PCDHA4: variants seen among roughly 807,000 people sequenced by gnomAD.
PCDHA4 encodes the protein protocadherin alpha 4.
In PCDHA4, 49 loss-of-function variants were observed where a neutral mutation model predicts 61.4. The ratio of observed to expected loss-of-function variants is 0.80; its 90% confidence interval spans 0.63 to 1.01. PCDHA4 has a LOEUF of 1.01. Among genes scored for constraint, PCDHA4 ranks in the 50% least tolerant of loss-of-function variants. PCDHA4 has a pLI of 0.00. For synonymous variants in PCDHA4, 590 were observed against 550.3 expected (o/e 1.07, Z -1.01); for missense variants, 1,254 against 1,235.8 (o/e 1.01, Z -0.22).
At chr5:140,852,883 G>A (rs1190514830) in intron 1 of PCDHA4, 22 of 933,050 alleles carry the variant, frequency 2.4e-5, no homozygotes, top group African/African-American at 1.6e-4. Flanking sequence ...ATCATAAAAC[G>A]TATTTTTTTT....
At chr5:140,842,917 G>A in intron 1 of PCDHA4, 1 of 1,594,694 alleles carries the variant, frequency 6.3e-7, no homozygotes, top group Non-Finnish European at 8.6e-7. Flanking sequence ...AGCTGCTGCA[G>A]TTCCAGGTGA....
chr5:140,932,421 G>T (rs530079640), intron 1 of PCDHA4, among the ~76,000 whole-genome samples: 1 of 151,878 alleles, frequency 6.6e-6, no homozygotes, highest in Non-Finnish European at 1.5e-5. Context: ...TTAGTGTATT[G>T]TTCACCTGGA....
intron 1 of PCDHA4, among the ~76,000 whole-genome samples, chr5:140,818,390 A>G (rs1766348268): frequency 6.6e-6 from 1 of 152,186 alleles, no homozygotes; most frequent in South Asian, 2.1e-4. Context: ...GCATTTTTCC[A>G]TTTTAGAATT....
chr5:140,838,723 T>C (rs1554137164), intron 1 of PCDHA4, among the ~76,000 whole-genome samples: 3 of 151,910 alleles, frequency 2.0e-5, no homozygotes, highest in South Asian at 4.1e-4. Flanking sequence ...ATTGCTTCAG[T>C]CTAGTAGTTT....
chr5:140,884,371 C>T, intron 1 of PCDHA4: 2 of 1,613,948 alleles, frequency 1.2e-6, no homozygotes, highest in Non-Finnish European at 1.7e-6. Flanking sequence ...TTTACTTGAT[C>T]ATTGCCATCT....
chr5:140,829,713 G>T, intron 1 of PCDHA4: 1 of 1,613,488 alleles, frequency 6.2e-7, no homozygotes, highest in Non-Finnish European at 8.5e-7. Context: ...CGCGACGCGG[G>T]CGTGCCGCCT....
chr5:141,008,985 A>C (rs566679512), intron 3 of PCDHA4, among the ~76,000 whole-genome samples: 1 of 152,240 alleles, frequency 6.6e-6, no homozygotes, highest in Non-Finnish European at 1.5e-5. Context: ...AGTTTAATCT[A>C]GACACTAAAA....
chr5:140,882,391 C>T, intron 1 of PCDHA4: 2 of 1,614,214 alleles, frequency 1.2e-6, no homozygotes, highest in Non-Finnish European at 8.5e-7. Context: ...AAGCAAAACA[C>T]GGCACCTTCG....
intron 1 of PCDHA4, chr5:140,843,118 C>T: frequency 6.3e-7 from 1 of 1,595,834 alleles, no homozygotes; most frequent in Non-Finnish European, 8.6e-7. Flanking sequence ...CAGTGGACGC[C>T]GACTCGGGCT....
At chr5:140,969,149 G>T (rs782510891) in intron 1 of PCDHA4, 9 of 1,614,120 alleles carry the variant, frequency 5.6e-6, no homozygotes, top group Admixed American at 1.7e-5. Context: ...CTGCTACAAG[G>T]CCTGTCTGAC....
At chr5:140,842,603 C>CG in intron 1 of PCDHA4, 2 of 1,548,222 alleles carry the variant, frequency 1.3e-6, no homozygotes, top group Non-Finnish European at 1.8e-6. Flanking sequence ...GGTAACCGCG[C>CG]GGGACGGGGG....
intron 1 of PCDHA4, chr5:140,884,177 C>G (rs1405519238): frequency 1.9e-6 from 3 of 1,613,322 alleles, no homozygotes; most frequent in South Asian, 1.1e-5. Flanking sequence ...GACGCGCCCT[C>G]TGGACGAGGT....
At chr5:140,883,876 C>A in intron 1 of PCDHA4, 1 of 1,613,214 alleles carries the variant, frequency 6.2e-7, no homozygotes, top group Non-Finnish European at 8.5e-7. Flanking sequence ...TCCAGGTGAG[C>A]GCGCGCGACT....
At chr5:140,902,594 A>G (rs1208012043) in intron 1 of PCDHA4, among the ~76,000 whole-genome samples, 1 of 152,112 alleles carries the variant, frequency 6.6e-6, no homozygotes, top group Non-Finnish European at 1.5e-5. Context: ...TTTGGGAAAC[A>G]GGTCGTTTTC....
At chr5:140,952,705 T>C (rs2094784320) in intron 1 of PCDHA4, among the ~76,000 whole-genome samples, 1 of 152,160 alleles carries the variant, frequency 6.6e-6, no homozygotes, top group Non-Finnish European at 1.5e-5. Context: ...TATCCCACTC[T>C]CAGTATCAAT....
chr5:140,881,459 A>G (rs1172310253), intron 1 of PCDHA4: 2 of 672,234 alleles, frequency 3.0e-6, no homozygotes, highest in Non-Finnish European at 3.7e-6. Flanking sequence ...AAAACCTTAG[A>G]GCATTGTTGT....
intron 1 of PCDHA4, chr5:140,843,933 G>A: frequency 1.7e-6 from 1 of 576,250 alleles, no homozygotes. Context: ...CTCAAGTTAT[G>A]GTTGGATGAT....
intron 1 of PCDHA4, chr5:140,849,113 G>A: frequency 1.4e-6 from 2 of 1,434,592 alleles, no homozygotes; most frequent in Non-Finnish European, 1.9e-6. Context: ...AAGAAACTCC[G>A]GAGCTTCATT....
At chr5:140,879,201 G>A (rs2057895897) in intron 1 of PCDHA4, among the ~76,000 whole-genome samples, 1 of 152,164 alleles carries the variant, frequency 6.6e-6, no homozygotes, top group Non-Finnish European at 1.5e-5. Context: ...TTAAATTATG[G>A]CAGTAGAAAT....
Sources: allele counts gnomAD v4.1 joint callset (sites outside exome capture counted in the v4.1 genomes callset), GRCh38; gene constraint gnomAD v4.1.1; transcripts MANE v1.5; gene names NCBI Gene and HGNC (gene_info 2026-07-23, HGNC 2026-07-21).